The following TERB2 variants were observed in gnomAD, a reference collection of about 807,000 sequenced individuals.
TERB2 encodes the protein telomere repeat binding bouquet formation protein 2, also known as telomere repeats-binding bouquet formation protein 2.
TERB2 carries 26 observed loss-of-function variants against 29.8 expected under a neutral mutation model. The observed-to-expected ratio is 0.87, with a 90% confidence interval of 0.64 to 1.21. The LOEUF is 1.21. Among genes scored for constraint, TERB2 ranks in the 50% most tolerant of loss-of-function variants. The pLI is 0.00. For missense variants in TERB2, 240 were observed against 268.6 expected, an observed-to-expected ratio of 0.89 and a Z score of 0.74; for synonymous variants, 80 against 90.8, an observed-to-expected ratio of 0.88 and a Z score of 0.68.
intron 5 of TERB2, chr15:44,969,886 A>G (rs1891943517): frequency 1.3e-5 from 2 of 151,820 alleles, no homozygotes; most frequent in Admixed American, 6.5e-5. Flanking sequence ...AAACTACATA[A>G]TATCATACAG....
intron 3 of TERB2, among the ~76,000 whole-genome samples, chr15:44,959,814 C>T (rs540164701): frequency 6.6e-6 from 1 of 152,250 alleles, no homozygotes; most frequent in African/African-American, 2.4e-5. Context: ...ACGTGTTCAT[C>T]TCCAGAAAGA....
At chr15:44,962,347 A>ATTTT (rs34169916) in intron 4 of TERB2, among the ~76,000 whole-genome samples, 3 of 137,082 alleles carry the variant, frequency 2.2e-5, no homozygotes, top group African/African-American at 8.0e-5. Context: ...AAGCCCAGCT[A>ATTTT]TTTTTTTTTT....
At position 44,958,204 on chromosome 15, in the gene TERB2, A is replaced by G. The variant is rs113343812; in HGVS notation, c.147-169A>G. On this transcript the variant is annotated intron_variant, in intron 2 of 6. Transcript: ENST00000340827. The stretch of plus-strand genomic sequence containing the variant: ...ATGTGCCAGATATAGGCCCCCAGAA[A>G]AGAGTATCTTATGCCATATGTTTTT... 3.3e-5 allele frequency among the ~76,000 whole-genome samples: 5 copies of G among 152,330 alleles called. 1 individual carries two copies. Among genetic ancestry groups the G allele is most frequent in the African/African-American group, 1.2e-4 (5 of 41,572 alleles).
chr15:44,971,347 A>G (rs1274470162), intron 5 of TERB2, among the ~76,000 whole-genome samples: 1 of 152,246 alleles, frequency 6.6e-6, no homozygotes, highest in African/African-American at 2.4e-5. Flanking sequence ...TTGGTCTTAT[A>G]TCTACCCATT....
chr15:44,976,792 C>A (rs113500731), intron 6 of TERB2, among the ~76,000 whole-genome samples: 2,466 of 152,216 alleles, frequency 0.016, 20 homozygotes, highest in Middle Eastern at 0.031. Context: ...TGAGCTTGCT[C>A]CCCATGCTCA....
intron 6 of TERB2, among the ~76,000 whole-genome samples, chr15:44,978,116 T>C (rs1892071921): frequency 6.6e-6 from 1 of 152,236 alleles, no homozygotes. Context: ...CTGTTTGCAC[T>C]GTTAGTAGCT....
At chr15:44,966,122 G>A (rs754454821) in intron 4 of TERB2, 36 bp from the exon 5 acceptor site, 18 of 1,311,570 alleles carry the variant, frequency 1.4e-5, no homozygotes, top group African/African-American at 6.2e-5. Context: ...CTGGTATGAC[G>A]ATTTTTTAAA....
chr15:44,972,529 T>C (rs1353280876), intron 5 of TERB2, among the ~76,000 whole-genome samples: 2 of 151,548 alleles, frequency 1.3e-5, no homozygotes, highest in Non-Finnish European at 2.9e-5. Context: ...TTTTTTTTTT[T>C]TTTGAGACAG....
intron 4 of TERB2, among the ~76,000 whole-genome samples, chr15:44,965,245 A>G (rs1477758479): frequency 1.4e-5 from 2 of 147,594 alleles, no homozygotes; most frequent in Non-Finnish European, 3.0e-5. Flanking sequence ...ATTATATGAT[A>G]GGTACCAGTA....
intron 2 of TERB2, among the ~76,000 whole-genome samples, chr15:44,957,656 C>T (rs1218296493): frequency 6.6e-6 from 1 of 152,138 alleles, no homozygotes; most frequent in Non-Finnish European, 1.5e-5. Flanking sequence ...CACCTTAATT[C>T]CGTTTTCGCC....
At chr15:44,966,085 T>A in intron 4 of TERB2, 73 bp from the exon 5 acceptor site, 1 of 818,256 alleles carries the variant, frequency 1.2e-6, no homozygotes, top group Non-Finnish European at 1.8e-6. Flanking sequence ...TTATTTTTCC[T>A]TTTTAAAAAC....
In TERB2 at chr15:44,966,237, C is replaced by T. The variant is rs1891886051; in HGVS notation, c.428C>T (p.Ser143Phe). 1 of 1,542,240 alleles carries T rather than the reference C, an allele frequency of 6.5e-7. No individual in the cohort carries two copies. Among genetic ancestry groups the T allele is most frequent in the Middle Eastern group, 1.7e-4 (1 of 5,894 alleles). The change falls in exon 5 of 7, where the codon TCC becomes TTC. Residue 143 changes from serine (S) to phenylalanine (F), a missense_variant. Ser to Phe is a radical substitution (Grantham distance 155). Transcript: ENST00000340827. The stretch of plus-strand genomic sequence containing the variant: ...GCAACAGAGCACAAAAAAGAATTAT[C>T]CAAAAGGTATTGAATTCAGAAACTT... Reference protein sequence around the residue: ...ELATEHKKELSKSPEKHFIRT... With the variant: ...ELATEHKKELFKSPEKHFIRT...
intron 6 of TERB2, among the ~76,000 whole-genome samples, chr15:44,975,492 G>A (rs533489636): frequency 2.4e-4 from 37 of 152,182 alleles, no homozygotes; most frequent in African/African-American, 8.2e-4. Flanking sequence ...TCAACACATT[G>A]ACTATTAAAT....
chr15:44,962,229 T>C (rs1891817036), intron 4 of TERB2, among the ~76,000 whole-genome samples: 1 of 150,940 alleles, frequency 6.6e-6, no homozygotes, highest in South Asian at 2.1e-4. Flanking sequence ...TCGCCTAGAC[T>C]GGAGTGCAGT....
chr15:44,961,672 A>G (rs1776686246), intron 4 of TERB2, 88 bp downstream of exon 4: 3 of 863,520 alleles, frequency 3.5e-6, no homozygotes, highest in African/African-American at 1.7e-5. Flanking sequence ...TATTTGTGAC[A>G]TGTTAGCACC....
chr15:44,964,097 C>T (rs1478368642), intron 4 of TERB2, among the ~76,000 whole-genome samples: 2 of 152,282 alleles, frequency 1.3e-5, no homozygotes, highest in East Asian at 1.9e-4. Flanking sequence ...GCGTGAGCCA[C>T]TGTGCCTGGC....
intron 5 of TERB2, among the ~76,000 whole-genome samples, chr15:44,966,664 T>G (rs1270351870): frequency 6.6e-6 from 1 of 152,174 alleles, no homozygotes; most frequent in Non-Finnish European, 1.5e-5. Flanking sequence ...ATCATCACAC[T>G]TATGAACTAC....
intron 6 of TERB2, among the ~76,000 whole-genome samples, chr15:44,974,274 A>C (rs1311846100): frequency 1.3e-5 from 2 of 152,190 alleles, no homozygotes; most frequent in Non-Finnish European, 2.9e-5. Context: ...TGGAAGATAA[A>C]TTATATGAAC....
rs1241397853 is a variant in TERB2 at position 44,958,422 on chromosome 15, G to C, written c.196G>C (p.Ala66Pro). 2 of 1,613,638 alleles carry C rather than the reference G, an allele frequency of 1.2e-6. No homozygotes were observed. The highest frequency in any genetic ancestry group is 2.7e-5 in the African/African-American group (2 of 74,848). ...YIEDNATVFH[A>P]YYLSAVANAK... ...AGAAGATAATGCTACAGTTTTTCAT[G>C]CCTACTATCTCTCTGCGGTAGCTAA... Residue 66 changes from alanine to proline, a missense_variant, in exon 3 of 7, where the codon GCC becomes CCC. Coordinates refer to ENST00000340827, the MANE Select transcript of TERB2 (RefSeq NM_152448.3).
Sources: gnomAD v4.1 joint callset for allele counts (sites outside exome capture counted in the v4.1 genomes callset) on GRCh38, gnomAD v4.1.1 for gene constraint, MANE v1.5 for transcripts, NCBI Gene and HGNC (gene_info 2026-07-23, HGNC 2026-07-21) for gene names.